MYO1G: variants seen among roughly 807,000 people sequenced by gnomAD.
MYO1G encodes the protein unconventional myosin-Ig.
Under a neutral mutation model 115.3 loss-of-function variants are expected in MYO1G, and 65 were observed. That is an observed-to-expected ratio of 0.56 (90% confidence interval 0.46 to 0.69). MYO1G has a LOEUF of 0.69. Ranked by LOEUF, MYO1G falls within the 30% of genes least tolerant of loss-of-function variation. MYO1G has a pLI of 0.00. For synonymous variants in MYO1G, 510 were observed against 552.6 expected, an observed-to-expected ratio of 0.92 and a Z score of 1.08; for missense variants, 1,204 against 1,393.5, an observed-to-expected ratio of 0.86 and a Z score of 2.16.
In MYO1G at chr7:44,975,155, CCTTGCCCTCAGGGCTTA is replaced by C. The variant is rs1464845115; in HGVS notation, c.618+2_618+18del. 1 of 1,613,736 alleles carries C rather than the reference CCTTGCCCTCAGGGCTTA, an allele frequency of 6.2e-7. No individual in the cohort carries two copies. Among genetic ancestry groups the C allele is most frequent in the Non-Finnish European group, 8.5e-7 (1 of 1,179,860 alleles). ...TTCCCCACCCCATTTTTCCACCTCC[CCTTGCCCTCAGGGCTTA>C]CTTGGTAGAAGGCGTGGAAGTTTCT... On this transcript the variant is annotated splice_donor_variant and splice_donor_5th_base_variant and intron_variant, in intron 5 of 21. Coordinates refer to ENST00000258787, the MANE Select transcript of MYO1G (RefSeq NM_033054.3). LOFTEE classifies it high-confidence loss of function.
chr7:44,969,798 C>G lies in MYO1G; in HGVS notation c.1410G>C (p.Glu470Asp). The G allele has an allele frequency of 6.2e-7, 1 of 1,613,174 alleles. No homozygotes were observed. The highest frequency in any genetic ancestry group is 1.8e-4 in the Middle Eastern group (1 of 5,650). The change falls in exon 11 of 22, where the codon GAG becomes GAC. Residue 470 changes from glutamate to aspartate, a missense_variant. Transcript: ENST00000258787. This position sits in a 1 kb window ranked among gnomAD's most constrained non-coding sequence, Gnocchi z 5.0. ...PHRGILAVLD[E>D]ACSSAGTITD... ...TGATGGTGCCAGCAGAGCTGCAGGCCTCGTCCAGCACGGCCAGGATGCCAC... is the reference window on the plus strand; with the variant it reads ...TGATGGTGCCAGCAGAGCTGCAGGCGTCGTCCAGCACGGCCAGGATGCCAC...
chr7:44,964,623 C>T lies in MYO1G; in HGVS notation c.2527-104G>A, dbSNP rs1420183639. The T allele has an allele frequency of 1.4e-5, 14 of 992,158 alleles. No homozygotes were observed. The highest frequency in any genetic ancestry group is 2.7e-5 in the South Asian group (2 of 74,122). 61.5% of individuals were successfully genotyped at this position (992,158 alleles called of 1,614,324 possible). On this transcript the variant is annotated intron_variant, in intron 18 of 21. Coordinates refer to ENST00000258787, the MANE Select transcript of MYO1G (RefSeq NM_033054.3). The surrounding 1 kb of genome is among the most constrained non-coding windows in gnomAD (Gnocchi z 5.1). ...GAATCAGCATAGCTATCCTTCATCT[C>T]GGGAAACTGAGTCACACAGACTTGT...
chr7:44,978,070 A>G (rs7788543), intron 1 of MYO1G, among the ~76,000 whole-genome samples: 151,859 of 152,302 alleles, frequency 1, 75,709 homozygotes, highest in East Asian at 1. Context: ...CTCCTCTTTG[A>G]GCCAGGCTCG....
In MYO1G at chr7:44,964,262, A is replaced by G. The variant is rs1794799995; in HGVS notation, c.2632-100T>C. ...ACTGCCTCCCCTCCCCGCTGGCGACAGTTTTGGGAGTGTCAGGAGCAGCTG... is the reference window on the plus strand; with the variant it reads ...ACTGCCTCCCCTCCCCGCTGGCGACGGTTTTGGGAGTGTCAGGAGCAGCTG... On this transcript the variant is annotated intron_variant, in intron 19 of 21. Transcript: ENST00000258787. This position sits in a 1 kb window ranked among gnomAD's most constrained non-coding sequence, Gnocchi z 5.1. The G allele has an allele frequency of 7.6e-7, 1 of 1,309,222 alleles. No individual in the cohort carries two copies. Among genetic ancestry groups the G allele is most frequent in the Middle Eastern group, 2.2e-4 (1 of 4,462 alleles). 81.1% of individuals were successfully genotyped at this position (1,309,222 alleles called of 1,614,324 possible). A position where few individuals can be genotyped will look rare whatever the true frequency, so the allele number is the denominator to read the frequency against.
At chr7:44,965,949 G>T in intron 16 of MYO1G, 89 bp from the exon 17 acceptor site, 1 of 1,532,404 alleles carries the variant, frequency 6.5e-7, no homozygotes, top group Non-Finnish European at 8.9e-7. Flanking sequence ...CATTTATTGA[G>T]CACTCCCTGG....
chr7:44,969,939 C>T lies in MYO1G; in HGVS notation c.1333-64G>A. On this transcript the variant is annotated intron_variant, in intron 10 of 21. Transcript: ENST00000258787. The surrounding 1 kb of genome is among the most constrained non-coding windows in gnomAD (Gnocchi z 5.0). ...TTTCAGGCCACCTCCCCTCCTCCGC[C>T]CCACACTCAGCCACCTGTCAGGCCA... 2 of 1,587,756 alleles carry T rather than the reference C, an allele frequency of 1.3e-6. No individual in the cohort carries two copies. Among genetic ancestry groups the T allele is most frequent in the Non-Finnish European group, 1.7e-6 (2 of 1,165,296 alleles).
chr7:44,966,391 G>T lies in MYO1G; in HGVS notation c.1950-111C>A. 1 of 1,002,748 alleles carries T rather than the reference G, an allele frequency of 1.0e-6. No individual in the cohort carries two copies. Among genetic ancestry groups the T allele is most frequent in the Non-Finnish European group, 1.5e-6 (1 of 664,096 alleles). The allele number at this position is 1,002,748 out of a possible 1,614,324, so 62.1% of individuals were successfully genotyped here. On this transcript the variant is annotated intron_variant, in intron 15 of 21. Coordinates refer to ENST00000258787, the MANE Select transcript of MYO1G (RefSeq NM_033054.3). The surrounding 1 kb of genome is among the most constrained non-coding windows in gnomAD (Gnocchi z 5.0). ...GGCAGGGATACAGAGTGTGTTCCTG[G>T]AGCACTTATGACACCTGTGCACATA...
chr7:44,966,826 C>G lies in MYO1G; in HGVS notation c.1795G>C (p.Val599Leu), dbSNP rs373796173. 6.2e-7 allele frequency: 1 copy of G among 1,607,996 alleles called. No homozygotes were observed. The highest frequency in any genetic ancestry group is 8.5e-7 in the Non-Finnish European group (1 of 1,176,306). Residue 599 changes from valine to leucine, a missense_variant, in exon 15 of 22, where the codon GTC (valine) becomes CTC (leucine). Coordinates refer to ENST00000258787, the MANE Select transcript of MYO1G (RefSeq NM_033054.3). The surrounding 1 kb of genome is among the most constrained non-coding windows in gnomAD (Gnocchi z 5.0). Reference protein sequence around the residue: ...ENLASKEPFYVRCIKPNEDKV... With the variant: ...ENLASKEPFYLRCIKPNEDKV... ...TCCTCATTGGGCTTGATGCAGCGGACGTAGAAGGGCTCCTGCAGGGACAGA... is the reference window on the plus strand; with the variant it reads ...TCCTCATTGGGCTTGATGCAGCGGAGGTAGAAGGGCTCCTGCAGGGACAGA...
chr7:44,964,216 C>A lies in MYO1G; in HGVS notation c.2632-54G>T. On this transcript the variant is annotated intron_variant, in intron 19 of 21. Coordinates refer to ENST00000258787, the MANE Select transcript of MYO1G (RefSeq NM_033054.3). This position sits in a 1 kb window ranked among gnomAD's most constrained non-coding sequence, Gnocchi z 5.1. ...GGTGCTGCCCTGTCACCCACCAGGG[C>A]CCCAGGCTTCGGCAGTCCCTACTGC... is the stretch of plus-strand genomic sequence containing the variant. 6.7e-7 allele frequency: 1 copy of A among 1,493,754 alleles called. No individual in the cohort carries two copies. The highest frequency in any genetic ancestry group is 2.4e-5 in the East Asian group (1 of 41,148). 92.5% of individuals were successfully genotyped at this position (1,493,754 alleles called of 1,614,324 possible). A position where few individuals can be genotyped will look rare whatever the true frequency, so the allele number is the denominator to read the frequency against.
chr7:44,972,551 C>T (rs149176785), intron 5 of MYO1G: 2 of 349,966 alleles, frequency 5.7e-6, no homozygotes, highest in East Asian at 7.1e-5. Flanking sequence ...GTGGGTAGCT[C>T]AGAGTATGTG....
rs754916302 is a variant in MYO1G, at chr7:44,964,811, G to T, written c.2526+134C>A. On this transcript the variant is annotated intron_variant, in intron 18 of 21. Coordinates refer to ENST00000258787, the MANE Select transcript of MYO1G (RefSeq NM_033054.3). The surrounding 1 kb of genome is among the most constrained non-coding windows in gnomAD (Gnocchi z 5.1). Reference sequence around the variant, plus strand: ...CTTGCAGAGCTCTGGTGGGGGCTGAGGTACAGGGCCACCAGGACAGACAAC... The same window carrying T: ...CTTGCAGAGCTCTGGTGGGGGCTGATGTACAGGGCCACCAGGACAGACAAC... 221 of 1,336,640 alleles carry T rather than the reference G, an allele frequency of 1.7e-4. 2 individuals carry two copies. Among genetic ancestry groups the T allele is most frequent in the Non-Finnish European group, 2.2e-4 (210 of 974,570 alleles). 82.8% of individuals were successfully genotyped at this position (1,336,640 alleles called of 1,614,324 possible).
At position 44,970,849 on chromosome 7, in the gene MYO1G, C is replaced by T. The variant is rs558589142; in HGVS notation, c.1057G>A (p.Asp353Asn). Residue 353 changes from aspartate to asparagine, a missense_variant, in exon 8 of 22, where the codon GAT becomes AAT. Physicochemically the swap from Asp to Asn is conservative, Grantham distance 23 (BLOSUM62 1). Coordinates refer to ENST00000258787, the MANE Select transcript of MYO1G (RefSeq NM_033054.3). ...CCCCAAAGTACCTTGGCACAGGCAT[C>T]CCGGGCATAGCTGGCCTCAGCTGCA... is the stretch of plus-strand genomic sequence containing the variant. Reference protein sequence around the residue: ...HTAAEASYARDACAKAVYQRL... With the variant: ...HTAAEASYARNACAKAVYQRL... 5.6e-6 allele frequency: 9 copies of T among 1,613,684 alleles called. No individual in the cohort carries two copies. The Admixed American group carries it at 1.5e-4, about 27-fold the overall frequency.
chr7:44,966,512 CAT>C lies in MYO1G; in HGVS notation c.1949+158_1949+159del, dbSNP rs774398289. On this transcript the variant is annotated intron_variant, in intron 15 of 21. Coordinates refer to ENST00000258787, the MANE Select transcript of MYO1G (RefSeq NM_033054.3). This position sits in a 1 kb window ranked among gnomAD's most constrained non-coding sequence, Gnocchi z 5.0. ...GTCCCCACATGCATGTGCTCACACA[CAT>C]GTCTTCCCAGATATTTTGGTGTCTT... is the stretch of plus-strand genomic sequence containing the variant. 79 of 933,982 alleles carry C rather than the reference CAT, an allele frequency of 8.5e-5. No individual in the cohort carries two copies. The highest frequency in any genetic ancestry group is 4.2e-4 in the African/African-American group (26 of 61,684). The allele number at this position is 933,982 out of a possible 1,614,324, so 57.9% of individuals were successfully genotyped here.
rs1237728406 is a variant in MYO1G at position 44,965,108 on chromosome 7, TCAGA to T, written c.2382-23_2382-20del. ...CCGCCACCTGGGAGAGGGCATGTAG[TCAGA>T]CAGATGCTGGCCATGTGTTCATGTG... On this transcript the variant is annotated intron_variant, in intron 17 of 21. Transcript: ENST00000258787. The T allele has an allele frequency of 6.3e-7, 1 of 1,594,752 alleles. No individual in the cohort carries two copies. Among genetic ancestry groups the T allele is most frequent in the East Asian group, 2.3e-5 (1 of 44,352 alleles).
At chr7:44,974,964 T>C in intron 5 of MYO1G, 3 of 634,790 alleles carry the variant, frequency 4.7e-6, no homozygotes, top group Non-Finnish European at 8.6e-6. Flanking sequence ...ATCCTGCTTT[T>C]GTTCCCTGCA....
intron 9 of MYO1G, among the ~76,000 whole-genome samples, 162 bp from the exon 10 acceptor site, chr7:44,970,316 C>T (rs1005899305): frequency 6.6e-6 from 1 of 152,172 alleles, no homozygotes; most frequent in Non-Finnish European, 1.5e-5. Context: ...CCCTGGACTC[C>T]TTTACCCCAC....
Position 44,964,168 on chromosome 7 carries a change from G to A in MYO1G, c.2632-6C>T. On this transcript the variant is annotated splice_region_variant and splice_polypyrimidine_tract_variant and intron_variant, in intron 19 of 21. Transcript: ENST00000258787. The surrounding 1 kb of genome is among the most constrained non-coding windows in gnomAD (Gnocchi z 5.1). ...ATCTTGTGGAAGCGGTTCACCTGTG[G>A]GAGAGGTGGCTGGACCCAGGCTGGT... is the stretch of plus-strand genomic sequence containing the variant. The A allele has an allele frequency of 2.5e-6, 4 of 1,579,540 alleles. No individual in the cohort carries two copies. The highest frequency in any genetic ancestry group is 3.4e-6 in the Non-Finnish European group (4 of 1,162,038).
chr7:44,977,868 C>T (rs1014806858), intron 1 of MYO1G, among the ~76,000 whole-genome samples: 1 of 152,200 alleles, frequency 6.6e-6, no homozygotes, highest in Non-Finnish European at 1.5e-5. Flanking sequence ...TTCTCCACCA[C>T]CTCTGACATG....
rs1365203672 is a variant in MYO1G at position 44,972,152 on chromosome 7, G to A, written c.692C>T (p.Thr231Ile). 8.1e-6 allele frequency: 13 copies of A among 1,614,128 alleles called. No homozygotes were observed. Among genetic ancestry groups the A allele is most frequent in the East Asian group, 2.2e-5 (1 of 44,882 alleles). The part of the protein sequence containing the change: ...LERNPAVYNF[T>I]HQGAGLNMTV... ...CATGTTGAGTCCTGCTCCCTGGTGT[G>A]TGAAATTGTATACAGCAGGGTTTCT... Residue 231 changes from threonine (T) to isoleucine (I), a missense_variant, in exon 6 of 22, where the codon ACA becomes ATA. Thr to Ile is a moderately conservative substitution (Grantham distance 89). Coordinates refer to ENST00000258787, the MANE Select transcript of MYO1G (RefSeq NM_033054.3).
Sources: allele counts gnomAD v4.1 joint callset (sites outside exome capture counted in the v4.1 genomes callset), GRCh38; gene constraint gnomAD v4.1.1; non-coding constraint Gnocchi (gnomAD v3.1); transcripts MANE v1.5; gene names NCBI Gene and HGNC (gene_info 2026-07-23, HGNC 2026-07-21).